Variants in PTPRD observed in about 807,000 individuals in gnomAD.
PTPRD encodes protein tyrosine phosphatase receptor type D.
Under a neutral mutation model 214.5 loss-of-function variants are expected in PTPRD, and 34 were observed. The observed-to-expected ratio is 0.16, with a 90% CI of 0.12 to 0.21. PTPRD has a LOEUF of 0.21. PTPRD is among the 10% of genes least tolerant of loss of function. The pLI, the probability that PTPRD is intolerant of heterozygous loss-of-function variation, is 1.00. For synonymous variants in PTPRD, 1,128 were observed against 845.7 expected (o/e 1.33, Z -5.79); for missense variants, 2,545 against 2,398.7 (o/e 1.06, Z -1.27).
At chr9:9,873,602 C>G (rs908122908) in intron 5 of PTPRD, among the ~76,000 whole-genome samples, 1 of 152,082 alleles carries the variant, frequency 6.6e-6, no homozygotes, top group African/African-American at 2.4e-5. Context: ...TTCTACATCT[C>G]CATTAATGCC....
intron 2 of PTPRD, among the ~76,000 whole-genome samples, chr9:10,406,956 G>T (rs1270817425): frequency 1.3e-5 from 2 of 151,526 alleles, no homozygotes; most frequent in Admixed American, 1.3e-4. Flanking sequence ...AGTGGTCTCA[G>T]TAGTTACAAT....
Position 8,882,685 on chromosome 9 carries a change from G to A in PTPRD, c.-104+136012C>T, listed in dbSNP as rs569623533. ...GGATCATTTGAGTCCAGGAGTTTGA[G>A]ACCAGCCTGGCCGACATAGTGAAAC... On this transcript the variant is annotated intron_variant, in intron 11 of 45. Transcript: ENST00000381196. 2.0e-5 allele frequency among the ~76,000 whole-genome samples: 3 copies of A among 152,068 alleles called. No homozygotes were observed. The East Asian group carries it at 5.8e-4, about 30-fold the overall frequency.
chr9:10,528,607 T>C (rs867151510), intron 2 of PTPRD, among the ~76,000 whole-genome samples: 2 of 152,292 alleles, frequency 1.3e-5, no homozygotes, highest in East Asian at 1.9e-4. Flanking sequence ...ACATTGACAA[T>C]TGATGCTGTA....
Position 9,369,821 on chromosome 9 carries a change from C to G in PTPRD, c.-203+27628G>C, listed in dbSNP as rs531368789. 2.6e-5 allele frequency among the ~76,000 whole-genome samples: 4 copies of G among 152,264 alleles called. No individual in the cohort carries two copies. The South Asian group carries it at 8.3e-4, about 32-fold the overall frequency. ...AAGGAAGGGATCCAGTTTCAGCTTT[C>G]TACATATGGCTAGCCAGTTTTCCCA... On this transcript the variant is annotated intron_variant, in intron 9 of 45. Coordinates refer to ENST00000381196, the MANE Select transcript of PTPRD (RefSeq NM_002839.4).
At chr9:9,047,448 T>C (rs2099675011) in intron 10 of PTPRD, among the ~76,000 whole-genome samples, 1 of 152,056 alleles carries the variant, frequency 6.6e-6, no homozygotes, top group Non-Finnish European at 1.5e-5. Context: ...TAGTCAAAGC[T>C]ATCCTAAGCA....
At chr9:8,953,488 A>G (rs2099114681) in intron 11 of PTPRD, among the ~76,000 whole-genome samples, 1 of 152,008 alleles carries the variant, frequency 6.6e-6, no homozygotes, top group Admixed American at 6.6e-5. Context: ...ACAAAAACAA[A>G]AATTGATAAG....
intron 3 of PTPRD, among the ~76,000 whole-genome samples, chr9:10,265,862 T>C (rs2094018951): frequency 6.6e-6 from 1 of 152,190 alleles, no homozygotes; most frequent in Non-Finnish European, 1.5e-5. Context: ...TCATTAGAAG[T>C]TGCATTATAA....
At chr9:10,504,891 T>C (rs567935443) in intron 2 of PTPRD, among the ~76,000 whole-genome samples, 5 of 152,276 alleles carry the variant, frequency 3.3e-5, no homozygotes, top group African/African-American at 1.2e-4. Context: ...CACCTGTCTG[T>C]TAATGTTAAC....
chr9:9,503,425 C>T (rs1327352890), intron 8 of PTPRD, among the ~76,000 whole-genome samples: 1 of 151,610 alleles, frequency 6.6e-6, no homozygotes, highest in Non-Finnish European at 1.5e-5. Context: ...TCTCACACTA[C>T]ACATGCCACA....
chr9:9,527,838 C>G (rs2074491104), intron 8 of PTPRD, among the ~76,000 whole-genome samples: 2 of 152,148 alleles, frequency 1.3e-5, no homozygotes, highest in Admixed American at 6.5e-5. Context: ...ATTCTACCAA[C>G]TCCGTAAACT....
At chr9:8,857,273 T>C (rs1371209154) in intron 11 of PTPRD, among the ~76,000 whole-genome samples, 1 of 152,128 alleles carries the variant, frequency 6.6e-6, no homozygotes, top group Non-Finnish European at 1.5e-5. Context: ...GGTGGCAGGA[T>C]CCCTGGGTAA....
chr9:9,576,118 T>C (rs2088669600), intron 7 of PTPRD, among the ~76,000 whole-genome samples: 2 of 152,158 alleles, frequency 1.3e-5, no homozygotes, highest in African/African-American at 2.4e-5. Flanking sequence ...GTTGGTACTG[T>C]TTTGGGAGAC....
intron 4 of PTPRD, among the ~76,000 whole-genome samples, chr9:10,000,610 G>C (rs915990653): frequency 6.6e-6 from 1 of 152,152 alleles, no homozygotes; most frequent in Non-Finnish European, 1.5e-5. Flanking sequence ...AATAATTCTA[G>C]GCAGATATAG....
chr9:8,831,261 T>A (rs568712263), intron 11 of PTPRD, among the ~76,000 whole-genome samples: 1 of 152,334 alleles, frequency 6.6e-6, no homozygotes, highest in African/African-American at 2.4e-5. Context: ...TTTCTGATGA[T>A]TATCTTTGTT....
At chr9:10,032,375 C>T (rs2097099051) in intron 4 of PTPRD, among the ~76,000 whole-genome samples, 1 of 152,182 alleles carries the variant, frequency 6.6e-6, no homozygotes, top group Non-Finnish European at 1.5e-5. Context: ...CAACAGATGG[C>T]AACTTGCCAA....
intron 43 of PTPRD, among the ~76,000 whole-genome samples, chr9:8,335,777 G>A (rs1404622512): frequency 6.6e-6 from 1 of 152,130 alleles, no homozygotes; most frequent in African/African-American, 2.4e-5. Flanking sequence ...AAGCTGATAA[G>A]AAACTTCAGC....
chr9:8,830,720 A>G (rs996003265), intron 11 of PTPRD, among the ~76,000 whole-genome samples: 7 of 152,166 alleles, frequency 4.6e-5, no homozygotes, highest in African/African-American at 1.7e-4. Flanking sequence ...CTTTTTAAAA[A>G]GAGAAAACAA....
intron 5 of PTPRD, among the ~76,000 whole-genome samples, chr9:9,935,847 C>T (rs1378369806): frequency 6.7e-6 from 1 of 149,298 alleles, no homozygotes; most frequent in South Asian, 2.1e-4. Context: ...GCTACAGTAA[C>T]CAAAACAGCA....
At chr9:10,290,497 G>A (rs1398953364) in intron 3 of PTPRD, among the ~76,000 whole-genome samples, 1 of 152,030 alleles carries the variant, frequency 6.6e-6, no homozygotes, top group African/African-American at 2.4e-5. Flanking sequence ...GCTTAATTCT[G>A]GAAAGCTTCT....
Sources: gnomAD v4.1 joint callset for allele counts (sites outside exome capture counted in the v4.1 genomes callset) on GRCh38, gnomAD v4.1.1 for gene constraint, MANE v1.5 for transcripts, NCBI Gene and HGNC (gene_info 2026-07-23, HGNC 2026-07-21) for gene names.